Variants in STK3 observed in about 807,000 individuals in gnomAD.
STK3 encodes serine/threonine kinase 3, also known as serine/threonine-protein kinase 3.
In STK3, 41 loss-of-function variants were observed where a neutral mutation model predicts 58.0. The observed-to-expected ratio is 0.71, with a 90% CI of 0.55 to 0.92. STK3 has a LOEUF of 0.92. STK3 is among the 40% of genes least tolerant of loss of function. STK3 has a pLI of 0.00. For missense variants in STK3, 479 were observed against 602.7 expected, an observed-to-expected ratio of 0.79 and a Z score of 2.15; for synonymous variants, 170 against 191.0, an observed-to-expected ratio of 0.89 and a Z score of 0.91.
At chr8:98,895,429 T>C (rs189059014) in intron 1 of STK3, among the ~76,000 whole-genome samples, 27 of 152,238 alleles carry the variant, frequency 1.8e-4, no homozygotes, top group Admixed American at 1.4e-3. Context: ...TCCTCCAGTA[T>C]GGAGAGGAAG....
intron 3 of STK3, chr8:98,429,164 C>G: frequency 1.9e-6 from 3 of 1,613,606 alleles, no homozygotes; most frequent in Non-Finnish European, 2.5e-6. Flanking sequence ...CTGCCTGCAT[C>G]TTGGCAGGCA....
At chr8:98,682,554 G>A (rs1249599383) in intron 6 of STK3, among the ~76,000 whole-genome samples, 1 of 152,020 alleles carries the variant, frequency 6.6e-6, no homozygotes, top group Non-Finnish European at 1.5e-5. Flanking sequence ...CAAATTAAAT[G>A]ATCCCAGATG....
chr8:98,344,107 G>C, the STK3 span, among the ~76,000 whole-genome samples: 1 of 152,286 alleles, frequency 6.6e-6, no homozygotes, highest in African/African-American at 2.4e-5. Flanking sequence ...GCATTTATTT[G>C]AATGTGATTT....
chr8:98,464,540 T>TAAAAAAAAAAAAAAAAAAAAAAAAGA (rs1820297651), intron 10 of STK3, among the ~76,000 whole-genome samples: 1 of 69,228 alleles, frequency 1.4e-5, no homozygotes, highest in African/African-American at 5.7e-5. Context: ...TACTTAAAGT[T>TAAAAAAAAAAAAAAAAAAAAAAAAGA]AAAAAAAAAA....
At chr8:98,630,242 G>A (rs1470836582) in intron 6 of STK3, among the ~76,000 whole-genome samples, 1 of 152,136 alleles carries the variant, frequency 6.6e-6, no homozygotes, top group Non-Finnish European at 1.5e-5. Context: ...TGACGTGTTA[G>A]TTTCACCATA....
chr8:98,431,705 A>C (rs983932332), intron 3 of STK3: 1 of 167,118 alleles, frequency 6.0e-6, no homozygotes, highest in African/African-American at 2.4e-5. Context: ...ACCAAAAAAG[A>C]GGTACCCTAG....
intron 2 of STK3, chr8:98,436,709 A>T (rs1178406498): frequency 6.6e-6 from 1 of 152,178 alleles, no homozygotes; most frequent in Non-Finnish European, 1.5e-5. Flanking sequence ...GCTCTTCACA[A>T]TGTAGATTTC....
intron 4 of STK3, among the ~76,000 whole-genome samples, chr8:98,739,448 G>A (rs1187499366): frequency 6.6e-6 from 1 of 150,748 alleles, no homozygotes; most frequent in African/African-American, 2.4e-5. Flanking sequence ...AAAATCCGCT[G>A]TTCTGCAGCC....
chr8:98,665,700 C>T (rs947125642), intron 6 of STK3, among the ~76,000 whole-genome samples: 2 of 147,678 alleles, frequency 1.4e-5, no homozygotes, highest in Middle Eastern at 3.5e-3. Context: ...ACCCAGTACC[C>T]ATCCTGATTT....
intron 4 of STK3, among the ~76,000 whole-genome samples, chr8:98,742,149 G>A (rs1829273080): frequency 6.6e-6 from 1 of 151,720 alleles, no homozygotes; most frequent in South Asian, 2.1e-4. Context: ...TTCTACCAGA[G>A]GTACAAGGAG....
chr8:98,590,345 G>T (rs1424256998), intron 7 of STK3, among the ~76,000 whole-genome samples: 4 of 152,158 alleles, frequency 2.6e-5, no homozygotes, highest in Non-Finnish European at 4.4e-5. Flanking sequence ...GTTACCGAAA[G>T]CTCGGCGTCC....
intron 10 of STK3, among the ~76,000 whole-genome samples, chr8:98,513,051 C>G (rs1006416925): frequency 1.6e-4 from 24 of 152,084 alleles, no homozygotes; most frequent in Admixed American, 1.5e-3. Flanking sequence ...GAGAAAGAAA[C>G]ATGAAATGCT....
At chr8:98,423,839 T>C (rs1275897147) in intron 3 of STK3, among the ~76,000 whole-genome samples, 1 of 152,168 alleles carries the variant, frequency 6.6e-6, no homozygotes, top group South Asian at 2.1e-4. Context: ...TCATTGGCAG[T>C]GAAGGCAGAG....
chr8:98,496,885 T>A (rs1326819577), intron 10 of STK3, among the ~76,000 whole-genome samples: 2 of 152,100 alleles, frequency 1.3e-5, no homozygotes. Context: ...TGGAGATCTG[T>A]CTCATAACAA....
At chr8:98,608,542 A>C (rs1162413152) in intron 6 of STK3, among the ~76,000 whole-genome samples, 2 of 152,238 alleles carry the variant, frequency 1.3e-5, no homozygotes, top group African/African-American at 4.8e-5. Flanking sequence ...TAACACAGAT[A>C]AAATTTGGTA....
chr8:98,680,414 T>C (rs1411105824), intron 6 of STK3, among the ~76,000 whole-genome samples: 1 of 152,188 alleles, frequency 6.6e-6, no homozygotes, highest in East Asian at 1.9e-4. Flanking sequence ...ACATATGATG[T>C]CCATATGTCC....
chr8:98,751,189 G>A (rs946092847), intron 3 of STK3, among the ~76,000 whole-genome samples: 7 of 152,102 alleles, frequency 4.6e-5, no homozygotes, highest in Non-Finnish European at 7.4e-5. Context: ...CTTGAAAAGC[G>A]GCATTAAGAC....
intron 1 of STK3, among the ~76,000 whole-genome samples, chr8:98,808,811 G>C (rs1834038947): frequency 6.6e-6 from 1 of 152,202 alleles, no homozygotes; most frequent in Non-Finnish European, 1.5e-5. Flanking sequence ...ATGCTAAAGA[G>C]ATGACTCTTG....
chr8:98,711,402 T>C (rs1009210741), intron 4 of STK3, among the ~76,000 whole-genome samples: 2 of 151,382 alleles, frequency 1.3e-5, no homozygotes, highest in Non-Finnish European at 2.9e-5. Flanking sequence ...ATTAGACAAA[T>C]GGCTAACTAG....
Sources: gnomAD v4.1 joint callset for allele counts (sites outside exome capture counted in the v4.1 genomes callset) on GRCh38, gnomAD v4.1.1 for gene constraint, MANE v1.5 for transcripts, NCBI Gene and HGNC (gene_info 2026-07-23, HGNC 2026-07-21) for gene names.